The following EIF4E1B variants were observed in gnomAD, a reference collection of about 807,000 sequenced individuals.
EIF4E1B encodes eukaryotic translation initiation factor 4E family member 1B.
In EIF4E1B, 22 loss-of-function variants were observed where a neutral mutation model predicts 31.3. The observed-to-expected ratio is 0.70, with a 90% CI of 0.50 to 1.00. EIF4E1B has a LOEUF of 1.00. Ranked by LOEUF, EIF4E1B falls within the 50% of genes least tolerant of loss-of-function variation. The pLI is 0.00. For synonymous variants in EIF4E1B, 126 were observed against 120.2 expected (o/e 1.05, Z -0.31); for missense variants, 290 against 311.6 (o/e 0.93, Z 0.52).
rs1383538073 is a variant in EIF4E1B, at chr5:176,642,181, A to AG, written c.-79+18dup. On this transcript the variant is annotated intron_variant, in intron 2 of 8. Coordinates refer to ENST00000318682, the MANE Select transcript of EIF4E1B (RefSeq NM_001099408.2). ...GAACACTCAGGTGGGGCAGGAGGTAAGGTGGGGGCTGTGGGGAGCCTCATG... is the reference window on the plus strand; with the variant it reads ...GAACACTCAGGTGGGGCAGGAGGTAAGGGTGGGGGCTGTGGGGAGCCTCATG... 1.1e-4 allele frequency: 17 copies of AG among 152,920 alleles called. No homozygotes were observed. Among genetic ancestry groups the AG allele is most frequent in the African/African-American group, 3.9e-4 (16 of 41,548 alleles). The allele number at this position is 152,920 out of a possible 1,614,324, so 9.5% of individuals were successfully genotyped here.
chr5:176,636,064 G>A (rs560522013), intron 1 of EIF4E1B, among the ~76,000 whole-genome samples: 4 of 152,238 alleles, frequency 2.6e-5, no homozygotes, highest in African/African-American at 7.2e-5. Context: ...TGATCTGCCC[G>A]CCTCAGCCTC....
chr5:176,633,902 G>C (rs773883286), intron 1 of EIF4E1B, among the ~76,000 whole-genome samples: 1 of 152,180 alleles, frequency 6.6e-6, no homozygotes, highest in Admixed American at 6.5e-5. Flanking sequence ...AAGGCTGGCT[G>C]TAGAAAGATC....
At chr5:176,644,650 G>GGGAAGA in intron 6 of EIF4E1B, 1 of 558,716 alleles carries the variant, frequency 1.8e-6, no homozygotes, top group South Asian at 2.5e-5. Context: ...CTTAAGAGGC[G>GGGAAGA]GGAAGAGGGA....
rs565726791 is a variant in EIF4E1B, at chr5:176,644,856, A to G, written c.361-274A>G. 1.4e-4 allele frequency among the ~76,000 whole-genome samples: 22 copies of G among 152,316 alleles called. 1 individual carries two copies. The East Asian group carries it at 4.2e-3, about 29-fold the overall frequency. The stretch of plus-strand genomic sequence containing the variant: ...TTGCCTGCATTGGGGTCTGCCCCTG[A>G]GGCTTCCTTAATCCACCCCGATTTG... On this transcript the variant is annotated intron_variant, in intron 6 of 8. Coordinates refer to ENST00000318682, the MANE Select transcript of EIF4E1B (RefSeq NM_001099408.2).
At chr5:176,644,706 A>G in intron 6 of EIF4E1B, 1 of 527,402 alleles carries the variant, frequency 1.9e-6, no homozygotes, top group Non-Finnish European at 3.4e-6. Context: ...GAAGGGCATC[A>G]GAATTGCTTG....
At position 176,645,605 on chromosome 5, in the gene EIF4E1B, C is replaced by G. The variant is rs1293496000; in HGVS notation, c.614+89C>G. 1 of 1,423,254 alleles carries G rather than the reference C, an allele frequency of 7.0e-7. No individual in the cohort carries two copies. The highest frequency in any genetic ancestry group is 9.2e-7 in the Non-Finnish European group (1 of 1,081,392). The allele number at this position is 1,423,254 out of a possible 1,614,324, so 88.2% of individuals were successfully genotyped here. Reference sequence around the variant, plus strand: ...GGGGCTTGGCCTGCATGGGAGACCTCTGAAAGTCTCCATAGCCTCCCTCCC... The same window carrying G: ...GGGGCTTGGCCTGCATGGGAGACCTGTGAAAGTCTCCATAGCCTCCCTCCC... On this transcript the variant is annotated intron_variant, in intron 8 of 8. Transcript: ENST00000318682. The surrounding 1 kb of genome is among the most constrained non-coding windows in gnomAD (Gnocchi z 5.4).
rs760771852 is a variant in EIF4E1B, at chr5:176,645,257, G to A, written c.474+14G>A. 1.9e-6 allele frequency: 3 copies of A among 1,604,608 alleles called. No individual in the cohort carries two copies. Among genetic ancestry groups the A allele is most frequent in the Non-Finnish European group, 2.6e-6 (3 of 1,175,450 alleles). ...TGGCTGGAGACGGTGAGTTGGAGGA[G>A]GAGGGTCCTCAGGGGAAGAGACGGG... On this transcript the variant is annotated intron_variant, in intron 7 of 8. Transcript: ENST00000318682. This position sits in a 1 kb window ranked among gnomAD's most constrained non-coding sequence, Gnocchi z 5.4.
intron 1 of EIF4E1B, among the ~76,000 whole-genome samples, chr5:176,634,897 T>C (rs1373770635): frequency 1.3e-5 from 2 of 152,092 alleles, no homozygotes; most frequent in African/African-American, 4.8e-5. Flanking sequence ...CTCGATCTCC[T>C]GACCTCATGA....
At chr5:176,644,076 T>A in intron 5 of EIF4E1B, 1 of 556,146 alleles carries the variant, frequency 1.8e-6, no homozygotes, top group South Asian at 2.4e-5. Context: ...GGAGTGGCTC[T>A]GAAAAGGGCT....
intron 3 of EIF4E1B, 68 bp downstream of exon 3, chr5:176,642,870 C>CCCCCCG: frequency 4.9e-6 from 7 of 1,426,022 alleles, no homozygotes; most frequent in Admixed American, 2.2e-5. Flanking sequence ...CCCCCCGCCC[C>CCCCCCG]AGGTGGGCGG....
chr5:176,643,273 A>G lies in EIF4E1B; in HGVS notation c.200+7A>G, dbSNP rs370663962. Reference sequence around the variant, plus strand: ...TGCACCCCTTGCAGAACAGGTAGGCAGGAGCCTGCGAGTGGAACACAGCCC... The same window carrying G: ...TGCACCCCTTGCAGAACAGGTAGGCGGGAGCCTGCGAGTGGAACACAGCCC... On this transcript the variant is annotated splice_region_variant and intron_variant, in intron 4 of 8. Transcript: ENST00000318682. 1.2e-6 allele frequency: 2 copies of G among 1,609,838 alleles called. No homozygotes were observed. The highest frequency in any genetic ancestry group is 1.7e-6 in the Non-Finnish European group (2 of 1,178,278).
At chr5:176,636,231 C>T (rs951664868) in intron 1 of EIF4E1B, among the ~76,000 whole-genome samples, 1 of 152,234 alleles carries the variant, frequency 6.6e-6, no homozygotes, top group Non-Finnish European at 1.5e-5. Flanking sequence ...GATCCTTTCC[C>T]CCGCCACATA....
chr5:176,631,649 C>CAA (rs202095726), intron 1 of EIF4E1B, among the ~76,000 whole-genome samples: 281 of 99,900 alleles, frequency 2.8e-3, no homozygotes, highest in African/African-American at 5.2e-3. Flanking sequence ...AGCCAGACTG[C>CAA]AAAAAAAAAA....
At chr5:176,640,173 C>T (rs751292556) in intron 1 of EIF4E1B, among the ~76,000 whole-genome samples, 3 of 152,202 alleles carry the variant, frequency 2.0e-5, no homozygotes, top group Non-Finnish European at 4.4e-5. Flanking sequence ...GGAACCCAGC[C>T]ACCACGCCGG....
chr5:176,645,272 G>C lies in EIF4E1B; in HGVS notation c.474+29G>C. ...AGTTGGAGGAGGAGGGTCCTCAGGG[G>C]AAGAGACGGGCTGTGTGGGTCTCAT... On this transcript the variant is annotated intron_variant, in intron 7 of 8. Transcript: ENST00000318682. The surrounding 1 kb of genome is among the most constrained non-coding windows in gnomAD (Gnocchi z 5.4). The C allele has an allele frequency of 6.2e-7, 1 of 1,604,154 alleles. No homozygotes were observed.
chr5:176,641,659 C>T (rs183260359), intron 1 of EIF4E1B: 3 of 152,374 alleles, frequency 2.0e-5, no homozygotes, highest in African/African-American at 4.8e-5. Flanking sequence ...GTGCCTAGCA[C>T]GTACCAGGGC....
chr5:176,645,456 G>A lies in EIF4E1B; in HGVS notation c.554G>A (p.Gly185Glu). Residue 185 changes from glycine to glutamate, a missense_variant, in exon 8 of 9, where the codon GGG becomes GAG. Transcript: ENST00000318682. This position sits in a 1 kb window ranked among gnomAD's most constrained non-coding sequence, Gnocchi z 5.4. ...GCCGTCGTCAACATCCGCACCAAGG[G>A]GGACAAGATCGCTGTGTGGACGAGG... Reference protein sequence around the residue: ...CGAVVNIRTKGDKIAVWTREA... With the variant: ...CGAVVNIRTKEDKIAVWTREA... The A allele has an allele frequency of 1.3e-6, 2 of 1,517,362 alleles. No individual in the cohort carries two copies. Among genetic ancestry groups the A allele is most frequent in the Non-Finnish European group, 1.8e-6 (2 of 1,133,496 alleles). 94.0% of individuals were successfully genotyped at this position (1,517,362 alleles called of 1,614,324 possible).
intron 3 of EIF4E1B, 122 bp downstream of exon 3, chr5:176,642,924 A>G (rs1490647886): frequency 1.5e-5 from 19 of 1,284,370 alleles, no homozygotes; most frequent in Non-Finnish European, 1.9e-5. Context: ...GGGGCTTTTC[A>G]GATGCTGGGT....
chr5:176,632,600 A>T (rs763548032), intron 1 of EIF4E1B, among the ~76,000 whole-genome samples: 1 of 152,204 alleles, frequency 6.6e-6, no homozygotes, highest in Non-Finnish European at 1.5e-5. Context: ...AGGGAGTTGC[A>T]CCTAGGAAAC....
Sources: allele counts gnomAD v4.1 joint callset (sites outside exome capture counted in the v4.1 genomes callset), GRCh38; gene constraint gnomAD v4.1.1; non-coding constraint Gnocchi (gnomAD v3.1); transcripts MANE v1.5; gene names NCBI Gene and HGNC (gene_info 2026-07-23, HGNC 2026-07-21).